CGGBP1: variants seen among roughly 807,000 people sequenced by gnomAD.
CGGBP1 encodes CGG triplet repeat-binding protein 1.
A neutral mutation model predicts 11.4 loss-of-function variants in CGGBP1; 4 were observed. The observed-to-expected ratio is 0.35, with a 90% confidence interval of 0.17 to 0.80. The LOEUF (loss-of-function observed/expected upper bound fraction) is 0.80, where lower values mean the gene tolerates loss of function less well. CGGBP1 is among the 30% of genes least tolerant of loss of function. The probability of loss-of-function intolerance (pLI) is 0.52; values close to 1 mark genes in which losing one functional copy is unlikely to be tolerated. For synonymous variants in CGGBP1, 76 were observed against 74.1 expected (o/e 1.03, Z -0.13); for missense variants, 135 against 202.1 (o/e 0.67, Z 2.01).
intron 2 of CGGBP1, among the ~76,000 whole-genome samples, chr3:88,091,815 T>C (rs1181888764): frequency 3.9e-5 from 6 of 152,194 alleles, no homozygotes; most frequent in Non-Finnish European, 7.3e-5. Context: ...CCTTTGTTCC[T>C]CCTTCGCCTT....
At chr3:88,092,287 G>C (rs1397742019) in intron 2 of CGGBP1, among the ~76,000 whole-genome samples, 1 of 152,128 alleles carries the variant, frequency 6.6e-6, no homozygotes, top group African/African-American at 2.4e-5. Flanking sequence ...GTAAAGCTCT[G>C]CTTGCTTCTA....
chr3:88,077,331 ATTGT>A (rs1372599048), intron 2 of CGGBP1, among the ~76,000 whole-genome samples: 3 of 139,686 alleles, frequency 2.1e-5, no homozygotes, highest in Non-Finnish European at 4.7e-5. Context: ...GCAGACTTAA[ATTGT>A]TTTTTTTTTT....
chr3:88,139,707 G>A (rs1707000606), intron 2 of CGGBP1: 1 of 1,575,380 alleles, frequency 6.3e-7, no homozygotes, highest in Non-Finnish European at 8.6e-7. Flanking sequence ...TATTGAAAAT[G>A]GCAGTCCTAA....
chr3:88,066,554 T>C (rs1707209198), intron 2 of CGGBP1, among the ~76,000 whole-genome samples: 1 of 151,928 alleles, frequency 6.6e-6, no homozygotes, highest in Non-Finnish European at 1.5e-5. Flanking sequence ...AGAGCGAGAC[T>C]GTGTAAAACA....
intron 1 of CGGBP1, chr3:88,144,562 CTG>C (rs1707265613): frequency 6.6e-6 from 1 of 152,326 alleles, no homozygotes; most frequent in South Asian, 2.1e-4. Flanking sequence ...CAAATTAAAA[CTG>C]AGCCATTGAA....
At chr3:88,124,594 T>C (rs1241259390) in intron 2 of CGGBP1, among the ~76,000 whole-genome samples, 1 of 152,228 alleles carries the variant, frequency 6.6e-6, no homozygotes, top group Admixed American at 6.5e-5. Context: ...AAAGTGTTTG[T>C]AGCCACTTTG....
Position 88,053,239 on chromosome 3 carries a change from T to C in CGGBP1, c.*2234A>G, listed in dbSNP as rs1246979840. The C allele has an allele frequency of 6.6e-6, 1 of 152,172 alleles. No individual in the cohort carries two copies. The highest frequency in any genetic ancestry group is 1.5e-5 in the Non-Finnish European group (1 of 67,980). 9.4% of individuals were successfully genotyped at this position (152,172 alleles called of 1,614,324 possible). On this transcript the variant is annotated 3_prime_UTR_variant, in exon 4 of 4. Coordinates refer to ENST00000482016, the MANE Select transcript of CGGBP1 (RefSeq NM_001008390.2). ...AGGCTAAAACAATCATTCTGCTGTATTTATTTAACTTTAGACACAGTTAAC... is the reference window on the plus strand; with the variant it reads ...AGGCTAAAACAATCATTCTGCTGTACTTATTTAACTTTAGACACAGTTAAC...
intron 2 of CGGBP1, chr3:88,129,105 T>A: frequency 1.1e-6 from 1 of 878,748 alleles, no homozygotes; most frequent in Non-Finnish European, 1.7e-6. Context: ...GTTAAATTCC[T>A]TTTACAGTAA....
chr3:88,093,546 G>C (rs1397966574), intron 2 of CGGBP1, among the ~76,000 whole-genome samples: 1 of 152,188 alleles, frequency 6.6e-6, no homozygotes, highest in Admixed American at 6.5e-5. Context: ...TTGGCAAGCT[G>C]TCTAAGAGAA....
chr3:88,065,808 C>A (rs1016554144), intron 2 of CGGBP1, among the ~76,000 whole-genome samples: 143 of 152,258 alleles, frequency 9.4e-4, no homozygotes, highest in African/African-American at 3.3e-3. Context: ...CTCACTGCAA[C>A]CTCCCTGTCC....
rs1480447101 is a variant in CGGBP1 at position 88,054,133 on chromosome 3, G to C, written c.*1340C>G. The C allele has an allele frequency of 6.6e-6, 1 of 152,490 alleles. No homozygotes were observed. The highest frequency in any genetic ancestry group is 1.5e-5 in the Non-Finnish European group (1 of 67,984). 9.4% of individuals were successfully genotyped at this position (152,490 alleles called of 1,614,324 possible). ...GTCAAAGATAACTCCAAGTCACACA[G>C]GGCATCATTTGTCACTGCTTTGTAA... On this transcript the variant is annotated 3_prime_UTR_variant, in exon 4 of 4. Transcript: ENST00000482016.
At chr3:88,063,571 G>T (rs1707017463), upstream of CGGBP1, among the ~76,000 whole-genome samples, 1 of 151,928 alleles carries the variant, frequency 6.6e-6, no homozygotes, top group South Asian at 2.1e-4. Flanking sequence ...GTTTTCTAGG[G>T]TATAATACAT....
upstream of CGGBP1, among the ~76,000 whole-genome samples, chr3:88,060,016 A>C (rs1179277709): frequency 4.0e-5 from 6 of 150,852 alleles, no homozygotes; most frequent in East Asian, 7.9e-4. Flanking sequence ...TCATCCCCTC[A>C]CAAGATCCCG....
intron 2 of CGGBP1, among the ~76,000 whole-genome samples, chr3:88,107,159 C>G (rs566513666): frequency 6.6e-6 from 1 of 152,208 alleles, no homozygotes; most frequent in East Asian, 1.9e-4. Flanking sequence ...GGGAATTTAG[C>G]TCTTAACTTA....
chr3:88,079,876 C>T (rs916956072), intron 2 of CGGBP1, among the ~76,000 whole-genome samples: 2 of 151,994 alleles, frequency 1.3e-5, no homozygotes, highest in Non-Finnish European at 2.9e-5. Context: ...TTTTAGGTTG[C>T]TTGCTACTGT....
intron 2 of CGGBP1, among the ~76,000 whole-genome samples, chr3:88,108,505 A>C (rs146189020): frequency 1.8e-3 from 270 of 152,330 alleles, no homozygotes; most frequent in Non-Finnish European, 3.1e-3. Flanking sequence ...AAAAATGTTA[A>C]ATAGAATATT....
chr3:88,082,425 T>C (rs1482553882), intron 2 of CGGBP1, among the ~76,000 whole-genome samples: 3 of 152,208 alleles, frequency 2.0e-5, no homozygotes, highest in African/African-American at 7.2e-5. Context: ...ACACCTGGCC[T>C]GTGAATCAGT....
intron 2 of CGGBP1, among the ~76,000 whole-genome samples, chr3:88,110,468 C>T (rs1330985858): frequency 6.6e-6 from 1 of 152,072 alleles, no homozygotes; most frequent in Admixed American, 6.5e-5. Flanking sequence ...ATGTAATTTT[C>T]ACCCACCATG....
intron 2 of CGGBP1, chr3:88,140,312 T>G: frequency 6.2e-7 from 1 of 1,613,634 alleles, no homozygotes; most frequent in Non-Finnish European, 8.5e-7. Context: ...CACAACCAAG[T>G]GAAACAATTC....
Sources: allele counts gnomAD v4.1 joint callset (sites outside exome capture counted in the v4.1 genomes callset), GRCh38; gene constraint gnomAD v4.1.1; transcripts MANE v1.5; gene names NCBI Gene and HGNC (gene_info 2026-07-23, HGNC 2026-07-21).